RBM19: variants seen among roughly 807,000 people sequenced by gnomAD.
RBM19 encodes the protein probable RNA-binding protein 19.
A neutral mutation model predicts 116.8 loss-of-function variants in RBM19; 94 were observed. The observed-to-expected ratio is 0.80, with a 90% CI of 0.68 to 0.95. The LOEUF (loss-of-function observed/expected upper bound fraction) is 0.95, where lower values mean the gene tolerates loss of function less well. RBM19 is among the 40% of genes least tolerant of loss of function. RBM19 has a pLI of 0.00. For missense variants in RBM19, 1,161 were observed against 1,220.7 expected (o/e 0.95, Z 0.73); for synonymous variants, 475 against 494.1 (o/e 0.96, Z 0.51).
intron 21 of RBM19, among the ~76,000 whole-genome samples, chr12:113,895,280 G>T (rs998464458): frequency 3.3e-5 from 5 of 152,190 alleles, no homozygotes; most frequent in African/African-American, 9.7e-5. Flanking sequence ...TCTTGGTTGG[G>T]CGGGAGAGAG....
intron 23 of RBM19, among the ~76,000 whole-genome samples, chr12:113,837,757 G>C (rs1412770102): frequency 6.6e-6 from 1 of 152,250 alleles, no homozygotes; most frequent in Admixed American, 6.5e-5. Flanking sequence ...CCTTGGGCAA[G>C]TTACTTGCCC....
chr12:113,837,246 TACACACAC>T (rs34948952), intron 23 of RBM19, among the ~76,000 whole-genome samples: 57 of 126,894 alleles, frequency 4.5e-4, no homozygotes, highest in South Asian at 2.1e-3. Flanking sequence ...ATCCTCCTAA[TACACACAC>T]ACACACACAC....
chr12:113,929,203 C>G (rs190842038), intron 16 of RBM19, among the ~76,000 whole-genome samples: 1 of 152,202 alleles, frequency 6.6e-6, no homozygotes, highest in Non-Finnish European at 1.5e-5. Context: ...CTCTCACCGC[C>G]AAGCACAAAA....
chr12:113,965,935 T>C (rs766901528), intron 1 of RBM19, among the ~76,000 whole-genome samples: 3 of 151,476 alleles, frequency 2.0e-5, no homozygotes, highest in Non-Finnish European at 4.4e-5. Context: ...AAGGTGGGAG[T>C]TGTCATCTCC....
At chr12:113,938,524 A>G (rs1333326347) in intron 15 of RBM19, among the ~76,000 whole-genome samples, 2 of 152,206 alleles carry the variant, frequency 1.3e-5, no homozygotes, top group Non-Finnish European at 2.9e-5. Flanking sequence ...GCGAAGTGCT[A>G]AAGTGTCTTA....
At chr12:113,851,245 G>A (rs1398746630) in intron 22 of RBM19, among the ~76,000 whole-genome samples, 2 of 152,176 alleles carry the variant, frequency 1.3e-5, no homozygotes, top group African/African-American at 4.8e-5. Context: ...TCAGCTTCTG[G>A]GTGATGCTGT....
intron 18 of RBM19, among the ~76,000 whole-genome samples, chr12:113,922,326 G>C (rs1302138468): frequency 1.3e-5 from 2 of 152,200 alleles, no homozygotes; most frequent in African/African-American, 4.8e-5. Flanking sequence ...AACCCTGACT[G>C]ATATACTTTG....
At chr12:113,840,678 G>A (rs1289855506) in intron 23 of RBM19, among the ~76,000 whole-genome samples, 3 of 152,184 alleles carry the variant, frequency 2.0e-5, no homozygotes, top group African/African-American at 7.2e-5. Context: ...CAGCTGTTCT[G>A]TCCCCAGCCC....
chr12:113,925,925 C>T lies in RBM19; in HGVS notation c.2244+1129G>A, dbSNP rs545096512. Among the ~76,000 whole-genome samples, 12 of 152,332 alleles carry T rather than the reference C, an allele frequency of 7.9e-5. 1 individual carries two copies. The South Asian group carries it at 1.9e-3, about 24-fold the overall frequency. On this transcript the variant is annotated intron_variant, in intron 17 of 23. Coordinates refer to ENST00000261741, the MANE Select transcript of RBM19 (RefSeq NM_016196.4). ...ATCTACCTTTTGGATGCTACAAGTACATGCCGCCATTTAAAAGCAAAGCAA... is the reference window on the plus strand; with the variant it reads ...ATCTACCTTTTGGATGCTACAAGTATATGCCGCCATTTAAAAGCAAAGCAA...
At chr12:113,864,627 GGAGA>G (rs1235401490) in intron 21 of RBM19, among the ~76,000 whole-genome samples, 1 of 152,228 alleles carries the variant, frequency 6.6e-6, no homozygotes, top group Non-Finnish European at 1.5e-5. Context: ...GTGGCAAGTT[GGAGA>G]GATAGACCAA....
At chr12:113,861,903 T>C (rs1878433325) in intron 21 of RBM19, among the ~76,000 whole-genome samples, 1 of 151,878 alleles carries the variant, frequency 6.6e-6, no homozygotes, top group Non-Finnish European at 1.5e-5. Context: ...GGTTGGGGGT[T>C]TCCAGGCAGA....
intron 21 of RBM19, among the ~76,000 whole-genome samples, chr12:113,883,067 A>G (rs1017551558): frequency 6.6e-6 from 1 of 152,222 alleles, no homozygotes; most frequent in African/African-American, 2.4e-5. Flanking sequence ...AGGGAAGGAG[A>G]GAGAGACAGA....
chr12:113,915,931 A>G (rs889088758), intron 20 of RBM19, among the ~76,000 whole-genome samples: 4 of 152,130 alleles, frequency 2.6e-5, no homozygotes, highest in Admixed American at 6.5e-5. Flanking sequence ...CCCTGTCTCC[A>G]TTAAAATGGC....
chr12:113,907,707 A>G (rs1882161724), intron 21 of RBM19, among the ~76,000 whole-genome samples: 1 of 152,152 alleles, frequency 6.6e-6, no homozygotes, highest in African/African-American at 2.4e-5. Context: ...CCGTTTTCTG[A>G]CTTCAGGTTC....
In RBM19 at chr12:113,822,778, G is replaced by A. The variant is rs1293601081; in HGVS notation, c.*446C>T. ...GGGAAGGCTGGGCCCAAGGAGATAA[G>A]GAAACTGGGCCAGGGTCTCCCAGCT... On this transcript the variant is annotated 3_prime_UTR_variant, in exon 24 of 24. Coordinates refer to ENST00000261741, the MANE Select transcript of RBM19 (RefSeq NM_016196.4). 1.2e-5 allele frequency: 2 copies of A among 164,788 alleles called. No homozygotes were observed. Among genetic ancestry groups the A allele is most frequent in the Admixed American group, 1.2e-4 (2 of 16,580 alleles). The allele number at this position is 164,788 out of a possible 1,614,324, so 10.2% of individuals were successfully genotyped here. A position where few individuals can be genotyped will look rare whatever the true frequency, so the allele number is the denominator to read the frequency against.
Position 113,869,561 on chromosome 12 carries a change from T to A in RBM19, c.2559-10665A>T, listed in dbSNP as rs368904951. On this transcript the variant is annotated intron_variant, in intron 21 of 23. Transcript: ENST00000261741. ...CTTCAGCTGCCTCAAGTACAGCTAA[T>A]CCCATTACAAGAAAATAAAGTGGAT... is the stretch of plus-strand genomic sequence containing the variant. Among the ~76,000 whole-genome samples, 4 of 152,176 alleles carry A rather than the reference T, an allele frequency of 2.6e-5. No individual in the cohort carries two copies. The East Asian group carries it at 5.8e-4, about 22-fold the overall frequency.
At chr12:113,924,800 C>G in intron 17 of RBM19, 43 bp from the exon 18 acceptor site, 1 of 1,498,352 alleles carries the variant, frequency 6.7e-7, no homozygotes, top group Non-Finnish European at 9.3e-7. Context: ...CTCTAAACCA[C>G]TATGCAGGCA....
intron 21 of RBM19, among the ~76,000 whole-genome samples, chr12:113,867,436 A>C (rs1347696099): frequency 6.6e-6 from 1 of 152,094 alleles, no homozygotes; most frequent in Non-Finnish European, 1.5e-5. Flanking sequence ...TGTGGACCTG[A>C]TGTGCTCCGG....
intron 22 of RBM19, among the ~76,000 whole-genome samples, chr12:113,847,579 C>T (rs1246924190): frequency 6.6e-6 from 1 of 151,626 alleles, no homozygotes; most frequent in African/African-American, 2.4e-5. Flanking sequence ...GTTCCATCCT[C>T]GTGCCAGGGT....
Sources: allele counts gnomAD v4.1 joint callset (sites outside exome capture counted in the v4.1 genomes callset), GRCh38; gene constraint gnomAD v4.1.1; transcripts MANE v1.5; gene names NCBI Gene and HGNC (gene_info 2026-07-23, HGNC 2026-07-21).